The following FSIP1 variants were observed in gnomAD, a reference collection of about 807,000 sequenced individuals.
FSIP1 encodes fibrous sheath interacting protein 1, also known as fibrous sheath-interacting protein 1.
FSIP1 carries 65 observed loss-of-function variants against 60.9 expected under a neutral mutation model. The observed-to-expected ratio is 1.07, with a 90% CI of 0.87 to 1.31. The LOEUF is 1.31. Among genes scored for constraint, FSIP1 ranks in the 40% most tolerant of loss-of-function variants. FSIP1 has a pLI of 0.00. For synonymous variants in FSIP1, 209 were observed against 221.2 expected, an observed-to-expected ratio of 0.94 and a Z score of 0.49; for missense variants, 675 against 665.5, an observed-to-expected ratio of 1.01 and a Z score of -0.16.
chr15:39,648,168 TA>T (rs59445778), intron 10 of FSIP1, among the ~76,000 whole-genome samples: 3,472 of 74,768 alleles, frequency 0.046, 70 homozygotes, highest in Admixed American at 0.073. Context: ...TAAAGTATAA[TA>T]AAAAAAAAAA....
rs746231115 is a variant in FSIP1 at position 39,617,814 on chromosome 15, A to G, written c.1620T>C (p.Asp540=). The change falls in exon 11 of 12, where the codon GAT becomes GAC. Residue 540 remains aspartate, a synonymous_variant. Coordinates refer to ENST00000350221, the MANE Select transcript of FSIP1 (RefSeq NM_152597.5). ...GGCTCACACTGATACCATACAGTGG[A>G]TCATCTAAGAAGGAGGGCCTTTTCA... ...GRLKRPSFLD[D]PLYGISVSLS... The G allele has an allele frequency of 1.2e-6, 2 of 1,613,984 alleles. No homozygotes were observed. The highest frequency in any genetic ancestry group is 3.3e-5 in the Admixed American group (2 of 60,020).
intron 10 of FSIP1, among the ~76,000 whole-genome samples, chr15:39,712,563 C>T (rs935945680): frequency 6.6e-6 from 1 of 152,114 alleles, no homozygotes; most frequent in African/African-American, 2.4e-5. Flanking sequence ...GAAGATCACC[C>T]AAGATGACAG....
chr15:39,714,624 CCCAGGAAAAAATCCGAAGGA>C (rs1486008507), intron 9 of FSIP1, among the ~76,000 whole-genome samples: 1 of 151,292 alleles, frequency 6.6e-6, no homozygotes, highest in African/African-American at 2.4e-5. Context: ...ACCTCCAGAG[CCCAGGAAAAAATCCGAAGGA>C]CCAGCCTCTA....
At chr15:39,776,874 G>C (rs917231472) in intron 1 of FSIP1, among the ~76,000 whole-genome samples, 1 of 152,114 alleles carries the variant, frequency 6.6e-6, no homozygotes, top group Non-Finnish European at 1.5e-5. Context: ...AGGGGCACCC[G>C]TCTCTCAAGC....
At chr15:39,614,042 C>T (rs549904334) in intron 11 of FSIP1, among the ~76,000 whole-genome samples, 1 of 152,080 alleles carries the variant, frequency 6.6e-6, no homozygotes, top group Non-Finnish European at 1.5e-5. Flanking sequence ...CCCACTCTCA[C>T]CACTTTTTTT....
intron 11 of FSIP1, among the ~76,000 whole-genome samples, chr15:39,603,893 G>T (rs887825348): frequency 1.3e-5 from 2 of 152,130 alleles, no homozygotes; most frequent in African/African-American, 2.4e-5. Context: ...CACCTGCGGG[G>T]TATCTTAAAA....
At chr15:39,741,966 G>T in intron 5 of FSIP1, 66 bp from the exon 6 acceptor site, 1 of 856,672 alleles carries the variant, frequency 1.2e-6, no homozygotes, top group Non-Finnish European at 1.9e-6. Flanking sequence ...CTACAAAATT[G>T]TTTTAAAAAG....
intron 10 of FSIP1, among the ~76,000 whole-genome samples, chr15:39,627,184 T>C (rs963460937): frequency 2.0e-5 from 3 of 152,116 alleles, no homozygotes; most frequent in African/African-American, 7.2e-5. Context: ...AGATTACCCA[T>C]CATCCAGACC....
intron 10 of FSIP1, among the ~76,000 whole-genome samples, chr15:39,677,769 A>T (rs113933672): frequency 0.032 from 4,886 of 152,170 alleles, 252 homozygotes; most frequent in African/African-American, 0.11. Flanking sequence ...AGGCCGAGGC[A>T]GGCAGATCAC....
intron 10 of FSIP1, among the ~76,000 whole-genome samples, chr15:39,653,457 A>G (rs1323129146): frequency 1.3e-5 from 2 of 152,178 alleles, no homozygotes; most frequent in South Asian, 2.1e-4. Flanking sequence ...TGTCTTGGTA[A>G]TAACATTTAG....
intron 10 of FSIP1, among the ~76,000 whole-genome samples, chr15:39,691,337 C>T (rs1344963356): frequency 6.6e-6 from 1 of 152,202 alleles, no homozygotes; most frequent in Non-Finnish European, 1.5e-5. Context: ...GTGCCAGCAA[C>T]AGGGCAGTGG....
At chr15:39,702,982 CT>C (rs67911946) in intron 10 of FSIP1, among the ~76,000 whole-genome samples, 103,333 of 133,752 alleles carry the variant, frequency 0.77, 39,479 homozygotes, top group Non-Finnish European at 0.85. Flanking sequence ...TCATAATTGT[CT>C]TTTTTTTTTT....
intron 5 of FSIP1, among the ~76,000 whole-genome samples, chr15:39,761,441 G>A (rs74637052): frequency 0.016 from 2,433 of 152,196 alleles, 82 homozygotes; most frequent in African/African-American, 0.055. Context: ...AGAATTAGAG[G>A]ACATTATGCC....
intron 10 of FSIP1, among the ~76,000 whole-genome samples, chr15:39,634,499 C>T (rs779923550): frequency 5.9e-5 from 9 of 152,200 alleles, no homozygotes; most frequent in South Asian, 2.1e-4. Flanking sequence ...CAGCTGAACA[C>T]TCTTCATCTG....
chr15:39,763,954 A>C, intron 4 of FSIP1, 40 bp from the exon 5 acceptor site: 3 of 1,052,986 alleles, frequency 2.8e-6, no homozygotes, highest in Non-Finnish European at 2.9e-6. Context: ...TGGGAAAAGA[A>C]GGCAACTATA....
chr15:39,661,792 G>A (rs1893306281), intron 10 of FSIP1, among the ~76,000 whole-genome samples: 1 of 152,170 alleles, frequency 6.6e-6, no homozygotes, highest in Non-Finnish European at 1.5e-5. Context: ...GTCATATCAA[G>A]TAGAGTTCTG....
chr15:39,766,836 C>T (rs1341730196), intron 3 of FSIP1, among the ~76,000 whole-genome samples: 1 of 148,558 alleles, frequency 6.7e-6, no homozygotes, highest in African/African-American at 2.6e-5. Context: ...TGCATCACTT[C>T]TTCTTCTTCT....
chr15:39,632,814 T>C (rs1379418061), intron 10 of FSIP1, among the ~76,000 whole-genome samples: 1 of 151,970 alleles, frequency 6.6e-6, no homozygotes, highest in Non-Finnish European at 1.5e-5. Context: ...TAAATAACTG[T>C]CTTTGGAAGT....
chr15:39,748,390 C>T (rs1897063875), intron 5 of FSIP1, among the ~76,000 whole-genome samples: 1 of 152,116 alleles, frequency 6.6e-6, no homozygotes, highest in Non-Finnish European at 1.5e-5. Flanking sequence ...CCACGGAGTA[C>T]TTATAAAAGT....
Sources: gnomAD v4.1 joint callset for allele counts (sites outside exome capture counted in the v4.1 genomes callset) on GRCh38, gnomAD v4.1.1 for gene constraint, MANE v1.5 for transcripts, NCBI Gene and HGNC (gene_info 2026-07-23, HGNC 2026-07-21) for gene names.